FAT3: variants seen among roughly 807,000 people sequenced by gnomAD.
FAT3 encodes the protein protocadherin Fat 3.
Under a neutral mutation model 310.2 loss-of-function variants are expected in FAT3, and 95 were observed. The observed-to-expected ratio is 0.31, with a 90% CI of 0.26 to 0.36. FAT3 has a LOEUF of 0.36. Among genes scored for constraint, FAT3 ranks in the 10% least tolerant of loss-of-function variants. The pLI is 1.00. For synonymous variants in FAT3, 2,314 were observed against 2,192.9 expected (o/e 1.06, Z -1.54); for missense variants, 5,408 against 5,715.6 (o/e 0.95, Z 1.74).
chr11:92,667,549 G>A (rs375890383), intron 3 of FAT3, among the ~76,000 whole-genome samples: 16 of 152,196 alleles, frequency 1.1e-4, no homozygotes, highest in African/African-American at 3.9e-4. Context: ...TTTGAAGCCA[G>A]AGTGCTGACA....
intron 3 of FAT3, among the ~76,000 whole-genome samples, chr11:92,531,395 G>T (rs1247473499): frequency 6.6e-6 from 1 of 152,136 alleles, no homozygotes; most frequent in African/African-American, 2.4e-5. Flanking sequence ...GCTCACAACT[G>T]TGGGTTGAGG....
At chr11:92,565,737 A>G (rs374869067) in intron 3 of FAT3, among the ~76,000 whole-genome samples, 5 of 151,752 alleles carry the variant, frequency 3.3e-5, no homozygotes, top group East Asian at 1.9e-4. Flanking sequence ...TTCAATATAC[A>G]CAAATCAATA....
At chr11:92,301,661 C>G (rs1947001099) in intron 1 of FAT3, among the ~76,000 whole-genome samples, 1 of 152,066 alleles carries the variant, frequency 6.6e-6, no homozygotes, top group East Asian at 1.9e-4. Context: ...ATCACAACAG[C>G]CAGTTACATT....
intron 2 of FAT3, among the ~76,000 whole-genome samples, chr11:92,393,550 C>T (rs972676891): frequency 3.3e-5 from 5 of 152,026 alleles, no homozygotes; most frequent in Admixed American, 2.6e-4. Flanking sequence ...ACCGACATCT[C>T]GATCTGGATA....
At chr11:92,613,280 C>T (rs1374294279) in intron 3 of FAT3, among the ~76,000 whole-genome samples, 1 of 152,116 alleles carries the variant, frequency 6.6e-6, no homozygotes, top group African/African-American at 2.4e-5. Context: ...TGCTTCTCCT[C>T]ATTTGTAGAA....
intron 2 of FAT3, among the ~76,000 whole-genome samples, chr11:92,504,735 G>A (rs964933353): frequency 6.6e-6 from 1 of 152,074 alleles, no homozygotes; most frequent in Non-Finnish European, 1.5e-5. Flanking sequence ...GTTCAGGAAT[G>A]TTTCCCTTTC....
intron 3 of FAT3, among the ~76,000 whole-genome samples, chr11:92,617,478 T>C (rs1344975970): frequency 6.6e-6 from 1 of 152,186 alleles, no homozygotes; most frequent in Non-Finnish European, 1.5e-5. Context: ...AGCCTTCTTC[T>C]CTCAACTCGT....
At chr11:92,269,559 T>C (rs2134331057) in intron 1 of FAT3, among the ~76,000 whole-genome samples, 1 of 152,242 alleles carries the variant, frequency 6.6e-6, no homozygotes, top group Non-Finnish European at 1.5e-5. Flanking sequence ...AGCCTTGTAG[T>C]TTGAAGTTAT....
At chr11:92,552,438 A>G (rs986408140) in intron 3 of FAT3, among the ~76,000 whole-genome samples, 2 of 152,186 alleles carry the variant, frequency 1.3e-5, no homozygotes, top group South Asian at 4.1e-4. Flanking sequence ...TCAAAATCTT[A>G]TAGAGAAAGA....
At chr11:92,771,965 T>C (rs941038676) in intron 6 of FAT3, among the ~76,000 whole-genome samples, 2 of 152,152 alleles carry the variant, frequency 1.3e-5, no homozygotes, top group African/African-American at 4.8e-5. Flanking sequence ...ATTTAAACAG[T>C]AACTCAAACT....
chr11:92,851,892 C>T (rs1948838589), intron 19 of FAT3, among the ~76,000 whole-genome samples: 1 of 152,192 alleles, frequency 6.6e-6, no homozygotes, highest in Admixed American at 6.5e-5. Context: ...GCCAATGGAG[C>T]AGTGTTTGCC....
At chr11:92,388,993 A>G (rs1949688760) in intron 2 of FAT3, among the ~76,000 whole-genome samples, 4 of 152,098 alleles carry the variant, frequency 2.6e-5, no homozygotes, top group South Asian at 2.1e-4. Context: ...TCTTTTTCCT[A>G]TACTCTCCTG....
At chr11:92,520,819 T>C (rs1443656502) in intron 2 of FAT3, among the ~76,000 whole-genome samples, 1 of 152,164 alleles carries the variant, frequency 6.6e-6, no homozygotes, top group Non-Finnish European at 1.5e-5. Flanking sequence ...CATCTGAACA[T>C]TGTGTTCCAA....
chr11:92,825,624 A>G lies in FAT3; in HGVS notation c.9482-5998A>G, dbSNP rs187116492. On this transcript the variant is annotated intron_variant, in intron 13 of 27. Transcript: ENST00000525166. Reference sequence around the variant, plus strand: ...GTACAGGATGGAAGTGGAGCTGGAAATGACACTGGAAAGGGGGGTTGGGAC... The same window carrying G: ...GTACAGGATGGAAGTGGAGCTGGAAGTGACACTGGAAAGGGGGGTTGGGAC... 3.3e-5 allele frequency among the ~76,000 whole-genome samples: 5 copies of G among 152,260 alleles called. No individual in the cohort carries two copies. The East Asian group carries it at 9.7e-4, about 29-fold the overall frequency.
chr11:92,527,394 A>C (rs776812193), intron 3 of FAT3, among the ~76,000 whole-genome samples: 26 of 152,202 alleles, frequency 1.7e-4, no homozygotes, highest in Non-Finnish European at 3.1e-4. Context: ...AAATCCCACA[A>C]AAAAAGCTGA....
intron 1 of FAT3, among the ~76,000 whole-genome samples, chr11:92,291,618 C>T (rs180726763): frequency 2.8e-4 from 42 of 150,966 alleles, no homozygotes; most frequent in Non-Finnish European, 4.6e-4. Context: ...ACATTGTATT[C>T]TAGTGGCCAA....
At chr11:92,241,192 TA>T (rs1240800436) in intron 1 of FAT3, among the ~76,000 whole-genome samples, 2 of 152,118 alleles carry the variant, frequency 1.3e-5, no homozygotes, top group Non-Finnish European at 2.9e-5. Context: ...CCTGGGTGTT[TA>T]ACTCTTTGTT....
intron 3 of FAT3, among the ~76,000 whole-genome samples, chr11:92,589,360 A>G (rs1939313697): frequency 6.6e-6 from 1 of 152,092 alleles, no homozygotes; most frequent in Non-Finnish European, 1.5e-5. Context: ...GGCAGTCTTC[A>G]CCACAGATCC....
At chr11:92,393,000 G>C (rs1174620605) in intron 2 of FAT3, among the ~76,000 whole-genome samples, 2 of 152,112 alleles carry the variant, frequency 1.3e-5, no homozygotes, top group East Asian at 3.9e-4. Flanking sequence ...GGACGGGTAT[G>C]GGTGTGAGTG....
Sources: gnomAD v4.1 joint callset for allele counts (sites outside exome capture counted in the v4.1 genomes callset) on GRCh38, gnomAD v4.1.1 for gene constraint, MANE v1.5 for transcripts, NCBI Gene and HGNC (gene_info 2026-07-23, HGNC 2026-07-21) for gene names.